Variants in SMOX observed in about 807,000 individuals in gnomAD.
SMOX encodes the protein flavin containing amine oxidase.
In SMOX, 22 loss-of-function variants were observed where a neutral mutation model predicts 51.0. The observed-to-expected ratio is 0.43, with a 90% CI of 0.31 to 0.62. The LOEUF (loss-of-function observed/expected upper bound fraction) is 0.62. Ranked by LOEUF, SMOX falls within the 20% of genes least tolerant of loss-of-function variation. The pLI is 0.10. For missense variants in SMOX, 566 were observed against 777.7 expected (o/e 0.73, Z 3.24); for synonymous variants, 282 against 307.8 (o/e 0.92, Z 0.88).
At position 4,187,083 on chromosome 20, in the gene SMOX, G is replaced by C. The variant is rs1979791209; in HGVS notation, c.1531-187G>C. Among the ~76,000 whole-genome samples the C allele has an allele frequency of 1.3e-5, 2 of 152,202 alleles. No individual in the cohort carries two copies. The highest frequency in any genetic ancestry group is 6.5e-5 in the Admixed American group (1 of 15,274). On this transcript the variant is annotated intron_variant, in intron 6 of 6. Coordinates refer to ENST00000305958, the MANE Select transcript of SMOX (RefSeq NM_175839.3). The surrounding 1 kb of genome is among the most constrained non-coding windows in gnomAD (Gnocchi z 4.8). ...TGGCCTCAAGACAGAAAGAGCCAAG[G>C]GAAGAAGCAGGGGAAAGTGGCCAGA...
chr20:4,183,327 C>G lies in SMOX; in HGVS notation c.1370-167C>G. 1 of 966,884 alleles carries G rather than the reference C, an allele frequency of 1.0e-6. No individual in the cohort carries two copies. Among genetic ancestry groups the G allele is most frequent in the Non-Finnish European group, 1.6e-6 (1 of 633,848 alleles). 59.9% of individuals were successfully genotyped at this position (966,884 alleles called of 1,614,324 possible). On this transcript the variant is annotated intron_variant, in intron 5 of 6. Transcript: ENST00000305958. This position sits in a 1 kb window ranked among gnomAD's most constrained non-coding sequence, Gnocchi z 4.3. Reference sequence around the variant, plus strand: ...GGAGGCGCTGAGTGGGTACACAGCTCGAGCCCCAGCCTCCCTCCTTCCTCT... The same window carrying G: ...GGAGGCGCTGAGTGGGTACACAGCTGGAGCCCCAGCCTCCCTCCTTCCTCT...
chr20:4,178,944 A>G lies in SMOX; in HGVS notation c.435+1367A>G, dbSNP rs6116242. Among the ~76,000 whole-genome samples the G allele has an allele frequency of 5.3e-3, 806 of 152,188 alleles. 7 individuals are homozygous for G. Among genetic ancestry groups the G allele is most frequent in the African/African-American group, 0.018 (757 of 41,516 alleles). On this transcript the variant is annotated intron_variant, in intron 3 of 6. Transcript: ENST00000305958. Reference sequence around the variant, plus strand: ...GTGATCCGCCCACCTTGGTCTCCCAAAGTGCTGGGATTACAAGCGTGAGCC... The same window carrying G: ...GTGATCCGCCCACCTTGGTCTCCCAGAGTGCTGGGATTACAAGCGTGAGCC...
In SMOX at chr20:4,175,063, G is replaced by A. The variant is rs776144691; in HGVS notation, c.8G>A (p.Ser3Asn). The change falls in exon 2 of 7, where the codon AGT (serine) becomes AAT (asparagine). Residue 3 changes from serine to asparagine, a missense_variant. By Grantham distance (46) the Ser-to-Asn change is conservative. Coordinates refer to ENST00000305958, the MANE Select transcript of SMOX (RefSeq NM_175839.3). MQ[S>N]CESSGDSADD... ...AAGGTGAGCGCGGACGGTATGCAAA[G>A]TTGTGAATCCAGTGGTGACAGTGCG... 2 of 1,614,204 alleles carry A rather than the reference G, an allele frequency of 1.2e-6. No homozygotes were observed. Among genetic ancestry groups the A allele is most frequent in the Non-Finnish European group, 1.7e-6 (2 of 1,180,034 alleles).
rs1986617943 is a variant in SMOX, at chr20:4,167,517, G to C, written c.-26-7513G>C. Among the ~76,000 whole-genome samples the C allele has an allele frequency of 6.6e-6, 1 of 152,196 alleles. No homozygotes were observed. The highest frequency in any genetic ancestry group is 6.5e-5 in the Admixed American group (1 of 15,278). On this transcript the variant is annotated intron_variant, in intron 1 of 6. Transcript: ENST00000305958. This position sits in a 1 kb window ranked among gnomAD's most constrained non-coding sequence, Gnocchi z 4.8. Reference sequence around the variant, plus strand: ...GACCAAAGTGAGCCTTTAAATATCAGATAGGGCTTGGACAAGTGTGCCCAG... The same window carrying C: ...GACCAAAGTGAGCCTTTAAATATCACATAGGGCTTGGACAAGTGTGCCCAG...
At chr20:4,156,019 G>A (rs528875295) in intron 1 of SMOX, among the ~76,000 whole-genome samples, 1 of 152,280 alleles carries the variant, frequency 6.6e-6, no homozygotes, top group African/African-American at 2.4e-5. Flanking sequence ...CGTCCTGCGG[G>A]ATGGGAGGGG....
At position 4,187,554 on chromosome 20, in the gene SMOX, C is replaced by T. The variant is rs1055308938; in HGVS notation, c.*147C>T. 9 of 1,197,928 alleles carry T rather than the reference C, an allele frequency of 7.5e-6. No individual in the cohort carries two copies. The African/African-American group carries it at 1.4e-4, about 18-fold the overall frequency. 74.2% of individuals were successfully genotyped at this position (1,197,928 alleles called of 1,614,324 possible). On this transcript the variant is annotated 3_prime_UTR_variant, in exon 7 of 7. Coordinates refer to ENST00000305958, the MANE Select transcript of SMOX (RefSeq NM_175839.3). The surrounding 1 kb of genome is among the most constrained non-coding windows in gnomAD (Gnocchi z 4.8). Reference sequence around the variant, plus strand: ...CGCCCTGACTGCCTTCAGACCTGGCCCTGTAGCTTTTCTTTTTCTCCAGGC... The same window carrying T: ...CGCCCTGACTGCCTTCAGACCTGGCTCTGTAGCTTTTCTTTTTCTCCAGGC...
intron 2 of SMOX, among the ~76,000 whole-genome samples, chr20:4,176,578 G>T (rs1036106116): frequency 3.3e-5 from 5 of 152,166 alleles, no homozygotes; most frequent in Non-Finnish European, 7.3e-5. Flanking sequence ...GCTTCCCTGG[G>T]AGCTAGGTAG....
chr20:4,186,665 G>A (rs539461712), intron 6 of SMOX: 15 of 746,570 alleles, frequency 2.0e-5, no homozygotes, highest in South Asian at 2.8e-5. Context: ...CTGGGCTTTC[G>A]GCGCCTTGTG....
intron 1 of SMOX, among the ~76,000 whole-genome samples, chr20:4,165,297 G>T (rs961367841): frequency 6.6e-6 from 1 of 151,808 alleles, no homozygotes; most frequent in Non-Finnish European, 1.5e-5. Context: ...CTCATGATCC[G>T]CCCGCCTTGG....
Position 4,159,901 on chromosome 20 carries a change from A to G in SMOX, c.-27+10924A>G, listed in dbSNP as rs564021716. 3.9e-5 allele frequency among the ~76,000 whole-genome samples: 6 copies of G among 152,192 alleles called. No homozygotes were observed. In the East Asian group the frequency reaches 9.7e-4, roughly 25 times the overall value. ...GGTTGAATTCTATGGAAAGTGCTTT[A>G]TTGGTTAATCCTGTGGTCTTCTTAG... is the stretch of plus-strand genomic sequence containing the variant. On this transcript the variant is annotated intron_variant, in intron 1 of 6. Coordinates refer to ENST00000305958, the MANE Select transcript of SMOX (RefSeq NM_175839.3).
chr20:4,157,724 C>T (rs978381538), intron 1 of SMOX, among the ~76,000 whole-genome samples: 1 of 151,870 alleles, frequency 6.6e-6, no homozygotes, highest in African/African-American at 2.4e-5. Context: ...CGGTGCTGTG[C>T]CCCTTCATGG....
rs779717057 is a variant in SMOX, at chr20:4,187,292, G to C, written c.1553G>C (p.Gly518Ala). The C allele has an allele frequency of 6.2e-7, 1 of 1,614,130 alleles. No individual in the cohort carries two copies. The highest frequency in any genetic ancestry group is 8.5e-7 in the Non-Finnish European group (1 of 1,180,010). The stretch of plus-strand genomic sequence containing the variant: ...CAGCCCATGCAGGTGCTGTTTTCCG[G>C]TGAGGCCACCCACCGCAAGTACTAT... ...KTAPMQVLFS[G>A]EATHRKYYST... is the part of the protein sequence containing the mutation. Residue 518 changes from glycine (G) to alanine (A), a missense_variant, in exon 7 of 7, where the codon GGT becomes GCT. Coordinates refer to ENST00000305958, the MANE Select transcript of SMOX (RefSeq NM_175839.3). The surrounding 1 kb of genome is among the most constrained non-coding windows in gnomAD (Gnocchi z 4.8).
chr20:4,182,343 C>T lies in SMOX; in HGVS notation c.864C>T (p.His288=), dbSNP rs562488874. ...CCCGGGGTGAGGGCGACCACAATCACGACACTGGGGAGGGTGGCCAGGGTG... is the reference window on the plus strand; with the variant it reads ...CCCGGGGTGAGGGCGACCACAATCATGACACTGGGGAGGGTGGCCAGGGTG... ...IEPRGEGDHN[H]DTGEGGQGGE... is the part of the protein sequence containing the mutation. The change falls in exon 5 of 7, where the codon CAC becomes CAT. Residue 288 remains histidine (H), a synonymous_variant. Coordinates refer to ENST00000305958, the MANE Select transcript of SMOX (RefSeq NM_175839.3). The surrounding 1 kb of genome is among the most constrained non-coding windows in gnomAD (Gnocchi z 8.4). 50 of 1,593,336 alleles carry T rather than the reference C, an allele frequency of 3.1e-5. No homozygotes were observed. In the East Asian group the frequency reaches 7.4e-4, roughly 24 times the overall value.
intron 1 of SMOX, among the ~76,000 whole-genome samples, chr20:4,162,930 G>T (rs1986401210): frequency 2.0e-5 from 3 of 152,312 alleles, no homozygotes; most frequent in African/African-American, 7.2e-5. Flanking sequence ...TGTGTGTGTC[G>T]GTGTGTGAGC....
At chr20:4,158,764 C>T (rs868789168) in intron 1 of SMOX, among the ~76,000 whole-genome samples, 1 of 151,968 alleles carries the variant, frequency 6.6e-6, no homozygotes, top group African/African-American at 2.4e-5. Flanking sequence ...TCTCTCAGAG[C>T]CTGTCCTCAT....
rs542768997 is a variant in SMOX at position 4,177,289 on chromosome 20, C to T, written c.209-62C>T. 2 of 1,382,614 alleles carry T rather than the reference C, an allele frequency of 1.4e-6. No homozygotes were observed. The highest frequency in any genetic ancestry group is 1.4e-5 in the African/African-American group (1 of 69,392). The allele number at this position is 1,382,614 out of a possible 1,614,324, so 85.6% of individuals were successfully genotyped here. A position where few individuals can be genotyped will look rare whatever the true frequency, so the allele number is the denominator to read the frequency against. ...CCCTCTTGGAGGAAGGAGGGGGAAG[C>T]AGTGCTGGCCCTCTCTGGAGAAGTC... On this transcript the variant is annotated intron_variant, in intron 2 of 6. Coordinates refer to ENST00000305958, the MANE Select transcript of SMOX (RefSeq NM_175839.3). The surrounding 1 kb of genome is among the most constrained non-coding windows in gnomAD (Gnocchi z 4.3).
At chr20:4,179,096 A>G (rs925235541) in intron 3 of SMOX, among the ~76,000 whole-genome samples, 3 of 152,214 alleles carry the variant, frequency 2.0e-5, no homozygotes, top group Non-Finnish European at 4.4e-5. Context: ...GTGCACCAAC[A>G]AGGTACGTTG....
chr20:4,153,299 C>T lies in SMOX; in HGVS notation c.-27+4322C>T, dbSNP rs1160138064. On this transcript the variant is annotated intron_variant, in intron 1 of 6. Coordinates refer to ENST00000305958, the MANE Select transcript of SMOX (RefSeq NM_175839.3). This position sits in a 1 kb window ranked among gnomAD's most constrained non-coding sequence, Gnocchi z 4.4. ...TCACCCTTCTGGGTTTAGCATTGCC[C>T]TCGTCATCTGCCTGTAAAATGGGAT... Among the ~76,000 whole-genome samples, 1 of 151,988 alleles carries T rather than the reference C, an allele frequency of 6.6e-6. No individual in the cohort carries two copies. The highest frequency in any genetic ancestry group is 1.5e-5 in the Non-Finnish European group (1 of 68,012).
At chr20:4,186,416 A>G (rs545768088) in intron 6 of SMOX, among the ~76,000 whole-genome samples, 22 of 152,348 alleles carry the variant, frequency 1.4e-4, no homozygotes, top group African/African-American at 5.3e-4. Flanking sequence ...GGGGTGCAAG[A>G]ACTTGTACCT....
Sources: gnomAD v4.1 joint callset for allele counts (sites outside exome capture counted in the v4.1 genomes callset) on GRCh38, gnomAD v4.1.1 for gene constraint, Gnocchi (gnomAD v3.1) non-coding constraint, MANE v1.5 for transcripts, NCBI Gene and HGNC (gene_info 2026-07-23, HGNC 2026-07-21) for gene names.